The following ZNF609 variants were observed in gnomAD, a reference collection of about 807,000 sequenced individuals.
ZNF609 encodes the protein zinc finger protein 609.
ZNF609 carries 11 observed loss-of-function variants against 109.5 expected under a neutral mutation model. The observed-to-expected ratio is 0.10, with a 90% CI of 0.06 to 0.17. The LOEUF (loss-of-function observed/expected upper bound fraction) is 0.17. Among genes scored for constraint, ZNF609 ranks in the 10% least tolerant of loss-of-function variants. ZNF609 has a pLI of 1.00. For synonymous variants in ZNF609, 646 were observed against 662.0 expected, an observed-to-expected ratio of 0.98 and a Z score of 0.37; for missense variants, 1,559 against 1,772.4, an observed-to-expected ratio of 0.88 and a Z score of 2.16.
chr15:64,505,034 A>C (rs773507881), intron 2 of ZNF609, among the ~76,000 whole-genome samples: 14 of 152,266 alleles, frequency 9.2e-5, no homozygotes, highest in Non-Finnish European at 1.8e-4. Flanking sequence ...TTTACCCCAA[A>C]ACTGCTTTCA....
intron 4 of ZNF609, among the ~76,000 whole-genome samples, chr15:64,672,044 G>A (rs578111405): frequency 0.017 from 2,039 of 120,646 alleles, 24 homozygotes; most frequent in Middle Eastern, 0.04. Flanking sequence ...ATGGAGTCTC[G>A]CTCTGTCGCC....
Position 64,511,242 on chromosome 15 carries a change from C to G in ZNF609, c.747+11076C>G, listed in dbSNP as rs1225379143. On this transcript the variant is annotated intron_variant, in intron 2 of 9. Coordinates refer to ENST00000326648, the MANE Select transcript of ZNF609 (RefSeq NM_015042.2). ...ATCCCAGCACTTTGGAAGGCCGAGG[C>G]AGGTGGATCATCTGAGGTCAGGAGT... is the stretch of plus-strand genomic sequence containing the variant. Among the ~76,000 whole-genome samples, 3 of 151,966 alleles carry G rather than the reference C, an allele frequency of 2.0e-5. No individual in the cohort carries two copies. In the East Asian group the frequency reaches 5.8e-4, roughly 29 times the overall value.
At chr15:64,663,962 C>T (rs1896612812) in intron 3 of ZNF609, among the ~76,000 whole-genome samples, 1 of 152,186 alleles carries the variant, frequency 6.6e-6, no homozygotes, top group African/African-American at 2.4e-5. Context: ...GTCGTGGTGG[C>T]TCATGCCTGT....
At chr15:64,470,525 G>GT (rs957755464) in intron 1 of ZNF609, 64 of 149,866 alleles carry the variant, frequency 4.3e-4, no homozygotes, top group Admixed American at 6.0e-4. Context: ...CTTTCAAGCA[G>GT]TTTTTTTTTT....
chr15:64,547,400 G>A (rs1275043486), intron 2 of ZNF609, among the ~76,000 whole-genome samples: 1 of 152,124 alleles, frequency 6.6e-6, no homozygotes, highest in Non-Finnish European at 1.5e-5. Flanking sequence ...ATGTTAGGAT[G>A]ACATAATTGA....
At chr15:64,592,755 TAA>T (rs34625066) in intron 2 of ZNF609, among the ~76,000 whole-genome samples, 96,652 of 134,238 alleles carry the variant, frequency 0.72, 37,081 homozygotes, top group East Asian at 0.95. Flanking sequence ...CATTTCTACT[TAA>T]AAAAAAAAAA....
chr15:64,587,562 C>A (rs1895218016), intron 2 of ZNF609, among the ~76,000 whole-genome samples: 1 of 152,020 alleles, frequency 6.6e-6, no homozygotes, highest in Non-Finnish European at 1.5e-5. Context: ...TAAAAGTTAA[C>A]CTAATTAGAT....
At chr15:64,515,860 C>A (rs1653401148) in intron 2 of ZNF609, among the ~76,000 whole-genome samples, 1 of 151,766 alleles carries the variant, frequency 6.6e-6, no homozygotes, top group Non-Finnish European at 1.5e-5. Context: ...ATTGCTCGAA[C>A]CTGGGAGGCG....
chr15:64,630,596 G>C (rs977342142), intron 3 of ZNF609, among the ~76,000 whole-genome samples: 10 of 151,326 alleles, frequency 6.6e-5, no homozygotes, highest in Non-Finnish European at 1.0e-4. Flanking sequence ...GAGTTTCACT[G>C]TCTCCCCCAG....
chr15:64,488,911 A>AC, intron 1 of ZNF609, among the ~76,000 whole-genome samples: 1 of 18,998 alleles, frequency 5.3e-5, no homozygotes, highest in Middle Eastern at 0.028. Context: ...TGTTTCTACA[A>AC]AAAAAAGAAA....
chr15:64,489,146 C>T (rs1315231048), intron 1 of ZNF609, among the ~76,000 whole-genome samples: 2 of 149,844 alleles, frequency 1.3e-5, no homozygotes, highest in African/African-American at 4.9e-5. Flanking sequence ...TTTTACACAA[C>T]AGTTCTGTGT....
At chr15:64,566,717 C>T (rs143581444) in intron 2 of ZNF609, among the ~76,000 whole-genome samples, 174 of 152,196 alleles carry the variant, frequency 1.1e-3, no homozygotes, top group Middle Eastern at 6.8e-3. Context: ...TTGTGGAGGG[C>T]GTGGTAGAGA....
intron 2 of ZNF609, among the ~76,000 whole-genome samples, chr15:64,573,229 T>A (rs1229879918): frequency 7.2e-5 from 11 of 152,002 alleles, no homozygotes; most frequent in African/African-American, 2.7e-4. Context: ...CTTTTTTTTT[T>A]TTTTCCTAAA....
intron 2 of ZNF609, chr15:64,528,871 G>GC: frequency 1.1e-6 from 1 of 931,978 alleles, no homozygotes; most frequent in South Asian, 1.3e-5. Context: ...TCTTGAGGGG[G>GC]CCCTCCGATG....
intron 1 of ZNF609, among the ~76,000 whole-genome samples, chr15:64,469,744 G>A (rs919186974): frequency 7.9e-5 from 12 of 152,016 alleles, no homozygotes; most frequent in African/African-American, 2.9e-4. Flanking sequence ...TGCAAAAAAG[G>A]CTGGCCTGGC....
chr15:64,503,773 T>G (rs1169707020), intron 2 of ZNF609, among the ~76,000 whole-genome samples: 1 of 152,260 alleles, frequency 6.6e-6, no homozygotes, highest in African/African-American at 2.4e-5. Flanking sequence ...AATGTCAGCT[T>G]CTGCTGCTTT....
At chr15:64,637,131 G>T (rs182895570) in intron 3 of ZNF609, among the ~76,000 whole-genome samples, 1 of 152,180 alleles carries the variant, frequency 6.6e-6, no homozygotes, top group African/African-American at 2.4e-5. Flanking sequence ...TACCCATTTT[G>T]AACTTCATGT....
chr15:64,538,024 T>G (rs1894184399), intron 2 of ZNF609, among the ~76,000 whole-genome samples: 2 of 151,890 alleles, frequency 1.3e-5, no homozygotes, highest in African/African-American at 4.8e-5. Flanking sequence ...GAGAATTGCT[T>G]GAACCTGGGA....
intron 2 of ZNF609, among the ~76,000 whole-genome samples, chr15:64,607,867 C>A (rs765171366): frequency 1.5e-4 from 1 of 6,710 alleles, no homozygotes; most frequent in African/African-American, 2.5e-4. Flanking sequence ...TTCTTTCTTT[C>A]TTTCTTTCTT....
Sources: allele counts gnomAD v4.1 joint callset (sites outside exome capture counted in the v4.1 genomes callset), GRCh38; gene constraint gnomAD v4.1.1; transcripts MANE v1.5; gene names NCBI Gene and HGNC (gene_info 2026-07-23, HGNC 2026-07-21).